SASH1: variants seen among roughly 807,000 people sequenced by gnomAD.
The protein encoded by SASH1 is SAM and SH3 domain containing 1.
Under a neutral mutation model 125.2 loss-of-function variants are expected in SASH1, and 44 were observed. The observed-to-expected ratio is 0.35, with a 90% confidence interval of 0.28 to 0.45. The LOEUF is 0.45. Ranked by LOEUF, SASH1 falls within the 20% of genes least tolerant of loss-of-function variation. The pLI is 1.00. For synonymous variants in SASH1, 639 were observed against 649.1 expected (o/e 0.98, Z 0.24); for missense variants, 1,426 against 1,614.5 (o/e 0.88, Z 2.00).
intron 1 of SASH1, among the ~76,000 whole-genome samples, chr6:148,380,463 G>A (rs1178563126): frequency 6.6e-6 from 1 of 152,220 alleles, no homozygotes; most frequent in Non-Finnish European, 1.5e-5. Context: ...AGAAAACCCA[G>A]TGTGATTCAT....
intron 17 of SASH1, among the ~76,000 whole-genome samples, chr6:148,542,873 T>C (rs1392590183): frequency 4.0e-5 from 6 of 151,454 alleles, no homozygotes; most frequent in Non-Finnish European, 7.4e-5. Context: ...TGTGTGTGTG[T>C]GTGTGTGCGC....
intron 7 of SASH1, among the ~76,000 whole-genome samples, chr6:148,476,274 CAAA>C (rs35854127): frequency 6.8e-5 from 6 of 88,138 alleles, no homozygotes; most frequent in South Asian, 3.9e-4. Context: ...AAAAGGACAC[CAAA>C]AAAAAAAAAA....
intron 8 of SASH1, among the ~76,000 whole-genome samples, chr6:148,506,585 C>T (rs1779815824): frequency 6.6e-6 from 1 of 152,148 alleles, no homozygotes; most frequent in South Asian, 2.1e-4. Context: ...AAGAAAAGTG[C>T]TACTATACCA....
In SASH1 at chr6:148,435,969, G is replaced by A. The variant is rs543164351; in HGVS notation, c.286-4215G>A. 5.3e-5 allele frequency among the ~76,000 whole-genome samples: 8 copies of A among 152,238 alleles called. No homozygotes were observed. The East Asian group carries it at 1.2e-3, about 22-fold the overall frequency. On this transcript the variant is annotated intron_variant, in intron 2 of 19. Coordinates refer to ENST00000367467, the MANE Select transcript of SASH1 (RefSeq NM_015278.5). ...CTTGAGTAAATGTTGTAAAAGCCAC[G>A]AGATAATCCTTCCAGATATTGTCAT...
At chr6:148,442,561 A>T (rs1317898998) in intron 4 of SASH1, among the ~76,000 whole-genome samples, 1 of 147,780 alleles carries the variant, frequency 6.8e-6, no homozygotes, top group African/African-American at 2.5e-5. Flanking sequence ...CCCCACATAC[A>T]CCACCATTAA....
chr6:148,404,273 A>T (rs1784286752), intron 2 of SASH1, among the ~76,000 whole-genome samples: 1 of 152,250 alleles, frequency 6.6e-6, no homozygotes, highest in Non-Finnish European at 1.5e-5. Flanking sequence ...TAATAAAAAC[A>T]TAAAATATGT....
Position 148,343,112 on chromosome 6 carries a change from C to CGAGCCCGAGCCG in SASH1, c.57_68dup (p.Glu20_Pro23dup), listed in dbSNP as rs772090257. 10 of 1,583,090 alleles carry CGAGCCCGAGCCG rather than the reference C, an allele frequency of 6.3e-6. No individual in the cohort carries two copies. Among genetic ancestry groups the CGAGCCCGAGCCG allele is most frequent in the South Asian group, 2.2e-5 (2 of 89,242 alleles). On this transcript the variant is annotated inframe_insertion, in exon 1 of 20. Transcript: ENST00000367467. ...CTGGCCCGGGGCCGGAGCCTGAGCC[C>CGAGCCCGAGCCG]GAGCCCGAGCCGGAGCCCGAGCCCG...
At chr6:148,429,682 G>A (rs975114818) in intron 2 of SASH1, among the ~76,000 whole-genome samples, 14 of 151,916 alleles carry the variant, frequency 9.2e-5, no homozygotes, top group Non-Finnish European at 2.1e-4. Flanking sequence ...GGTCAAGGCT[G>A]TAGCGAGCTA....
At chr6:148,302,897 A>C (rs1780012133) in intron 1 of SASH1, among the ~76,000 whole-genome samples, 2 of 151,820 alleles carry the variant, frequency 1.3e-5, no homozygotes, top group South Asian at 4.2e-4. Flanking sequence ...TTCTTCTCCC[A>C]GTTCAACAAT....
intron 1 of SASH1, among the ~76,000 whole-genome samples, chr6:148,331,575 C>T (rs1780996427): frequency 6.6e-6 from 1 of 152,082 alleles, no homozygotes; most frequent in African/African-American, 2.4e-5. Flanking sequence ...GTGATCCGCC[C>T]ACCTCAGCCT....
At chr6:148,521,478 T>TAAAAG (rs1420747066) in intron 10 of SASH1, among the ~76,000 whole-genome samples, 6 of 152,254 alleles carry the variant, frequency 3.9e-5, no homozygotes, top group Non-Finnish European at 7.3e-5. Flanking sequence ...TTCTCTGTTG[T>TAAAAG]AAAAGAATCC....
chr6:148,222,837 C>T, the SASH1 span, among the ~76,000 whole-genome samples: 5 of 151,946 alleles, frequency 3.3e-5, no homozygotes, highest in East Asian at 9.7e-4. Flanking sequence ...CTAAGCAACT[C>T]CTAGTAAACA....
At chr6:148,220,960 G>T in the SASH1 span, among the ~76,000 whole-genome samples, 5 of 152,218 alleles carry the variant, frequency 3.3e-5, no homozygotes, top group East Asian at 9.7e-4. Context: ...TCTAACAAAT[G>T]ATTTCTGCAT....
chr6:148,337,216 C>T (rs1304103902), intron 1 of SASH1, among the ~76,000 whole-genome samples: 1 of 145,762 alleles, frequency 6.9e-6, no homozygotes, highest in Non-Finnish European at 1.5e-5. Context: ...ACCACTACAT[C>T]CAGCTAATTT....
intron 8 of SASH1, among the ~76,000 whole-genome samples, chr6:148,490,406 C>G (rs183892735): frequency 1.2e-3 from 185 of 152,170 alleles, no homozygotes; most frequent in African/African-American, 4.2e-3. Context: ...GACAGGGTTT[C>G]ACCATATTGG....
At chr6:148,402,532 C>T (rs1264733949) in intron 2 of SASH1, among the ~76,000 whole-genome samples, 3 of 152,012 alleles carry the variant, frequency 2.0e-5, no homozygotes, top group Non-Finnish European at 2.9e-5. Context: ...TGGTCTCAAA[C>T]ATCTGACCTC....
chr6:148,345,372 G>A (rs543823352), intron 1 of SASH1, among the ~76,000 whole-genome samples: 2 of 152,294 alleles, frequency 1.3e-5, no homozygotes, highest in South Asian at 4.1e-4. Context: ...ACCTGCTATT[G>A]AAAGGGCAGA....
chr6:148,532,698 G>A lies in SASH1; in HGVS notation c.1565-99G>A. On this transcript the variant is annotated intron_variant, in intron 13 of 19. Transcript: ENST00000367467. The surrounding 1 kb of genome is among the most constrained non-coding windows in gnomAD (Gnocchi z 4.7). ...TTGTGGCTCAAGGCTTCCTTTCTCT[G>A]GGCCTTCATTTCCTAATCTGCCATA... 7.2e-7 allele frequency: 1 copy of A among 1,391,238 alleles called. No homozygotes were observed. The highest frequency in any genetic ancestry group is 1.0e-6 in the Non-Finnish European group (1 of 1,004,750). 86.2% of individuals were successfully genotyped at this position (1,391,238 alleles called of 1,614,324 possible).
chr6:148,305,630 A>G (rs1046236602), intron 1 of SASH1, among the ~76,000 whole-genome samples: 9 of 148,028 alleles, frequency 6.1e-5, no homozygotes, highest in African/African-American at 2.2e-4. Flanking sequence ...ACTCAAAAAA[A>G]AAAAAAAAAA....
Sources: gnomAD v4.1 joint callset for allele counts (sites outside exome capture counted in the v4.1 genomes callset) on GRCh38, gnomAD v4.1.1 for gene constraint, Gnocchi (gnomAD v3.1) non-coding constraint, MANE v1.5 for transcripts, NCBI Gene and HGNC (gene_info 2026-07-23, HGNC 2026-07-21) for gene names.